Variants in DGKI observed in about 807,000 individuals in gnomAD.
DGKI encodes the protein DAG kinase iota.
In DGKI, 55 loss-of-function variants were observed where a neutral mutation model predicts 147.5. That is an observed-to-expected ratio of 0.37 (90% CI 0.30 to 0.47). DGKI has a LOEUF of 0.47. DGKI is among the 20% of genes least tolerant of loss of function. DGKI has a pLI of 1.00. For synonymous variants in DGKI, 469 were observed against 477.1 expected (o/e 0.98, Z 0.22); for missense variants, 1,007 against 1,323.8 (o/e 0.76, Z 3.71).
chr7:137,444,024 CA>C lies in DGKI; in HGVS notation c.2761+52del, dbSNP rs1353406265. 17 of 1,474,586 alleles carry C rather than the reference CA, an allele frequency of 1.2e-5. No individual in the cohort carries two copies. In the African/African-American group the frequency reaches 2.0e-4, roughly 17 times the overall value. 91.3% of individuals were successfully genotyped at this position (1,474,586 alleles called of 1,614,324 possible). ...TGCTCTGACAATGAACTGCAAAGAC[CA>C]GGGGTCAAGTTTCAATCCTGAATTG... On this transcript the variant is annotated intron_variant, in intron 28 of 32. Transcript: ENST00000614521.
At chr7:137,457,361 G>A (rs1302617685) in intron 27 of DGKI, among the ~76,000 whole-genome samples, 3 of 152,098 alleles carry the variant, frequency 2.0e-5, no homozygotes, top group Admixed American at 1.3e-4. Flanking sequence ...AATCAAAATC[G>A]CTGTCCAACA....
chr7:137,722,700 G>A, intron 1 of DGKI: 3 of 1,580,102 alleles, frequency 1.9e-6, no homozygotes, highest in East Asian at 2.2e-5. Flanking sequence ...CAGAAAAAGA[G>A]AAATATGAGA....
intron 1 of DGKI, among the ~76,000 whole-genome samples, chr7:137,811,620 C>G (rs906169658): frequency 6.6e-6 from 1 of 152,172 alleles, no homozygotes; most frequent in African/African-American, 2.4e-5. Context: ...GGTGCAGCAT[C>G]CCCTGATTGA....
chr7:137,785,343 G>A lies in DGKI; in HGVS notation c.401+61119C>T, dbSNP rs568174842. Among the ~76,000 whole-genome samples the A allele has an allele frequency of 4.0e-5, 6 of 150,972 alleles. No homozygotes were observed. In the East Asian group the frequency reaches 7.7e-4, roughly 19 times the overall value. Reference sequence around the variant, plus strand: ...ACAAGGCTACTATGAACACCTTCACGTGCATAAACCAGAAAACCTGGAGGA... The same window carrying A: ...ACAAGGCTACTATGAACACCTTCACATGCATAAACCAGAAAACCTGGAGGA... On this transcript the variant is annotated intron_variant, in intron 1 of 32. Coordinates refer to ENST00000614521, the MANE Select transcript of DGKI (RefSeq NM_001321708.2).
intron 28 of DGKI, among the ~76,000 whole-genome samples, chr7:137,423,693 A>G (rs1322618343): frequency 6.6e-6 from 1 of 152,210 alleles, no homozygotes; most frequent in Non-Finnish European, 1.5e-5. Context: ...GAACAGCCAA[A>G]CACCCCTCAC....
At chr7:137,712,388 A>G (rs970406582) in intron 1 of DGKI, among the ~76,000 whole-genome samples, 1 of 152,224 alleles carries the variant, frequency 6.6e-6, no homozygotes, top group Admixed American at 6.5e-5. Context: ...ATACATTTAG[A>G]ACATTTCATG....
At chr7:137,552,256 C>T (rs2128966488) in intron 20 of DGKI, 113 bp downstream of exon 20, 1 of 1,088,890 alleles carries the variant, frequency 9.2e-7, no homozygotes, top group Non-Finnish European at 1.3e-6. Context: ...TACTGAGTCT[C>T]CTGGACTTTT....
At chr7:137,556,164 T>A (rs1450995203) in intron 19 of DGKI, among the ~76,000 whole-genome samples, 4 of 152,020 alleles carry the variant, frequency 2.6e-5, no homozygotes, top group Non-Finnish European at 5.9e-5. Context: ...AGATGTTCAA[T>A]GCCTTTTATG....
At chr7:137,609,745 C>T in intron 8 of DGKI, 136 bp from the exon 9 acceptor site, 1 of 635,868 alleles carries the variant, frequency 1.6e-6, no homozygotes, top group Non-Finnish European at 2.8e-6. Context: ...TTCCAAGCCA[C>T]TGTTCATGGA....
At chr7:137,484,497 T>C (rs1453748347) in intron 23 of DGKI, among the ~76,000 whole-genome samples, 1 of 152,074 alleles carries the variant, frequency 6.6e-6, no homozygotes, top group Admixed American at 6.6e-5. Flanking sequence ...ATACCTTTCC[T>C]CTTAACAGGG....
At chr7:137,691,636 GCAAACTCCCTC>G (rs1563152666) in intron 1 of DGKI, among the ~76,000 whole-genome samples, 2 of 152,068 alleles carry the variant, frequency 1.3e-5, no homozygotes, top group African/African-American at 4.8e-5. Context: ...AGCGACCTCT[GCAAACTCCCTC>G]CAAAAAATAA....
At chr7:137,805,405 G>C (rs1376229683) in intron 1 of DGKI, among the ~76,000 whole-genome samples, 1 of 152,206 alleles carries the variant, frequency 6.6e-6, no homozygotes, top group Admixed American at 6.5e-5. Flanking sequence ...GGCATAACAA[G>C]GTCCTGGCCA....
At chr7:137,670,110 T>G (rs991718012) in intron 3 of DGKI, among the ~76,000 whole-genome samples, 1 of 152,208 alleles carries the variant, frequency 6.6e-6, no homozygotes, top group Non-Finnish European at 1.5e-5. Context: ...AAATTTATGG[T>G]CATGAGCTCC....
intron 21 of DGKI, among the ~76,000 whole-genome samples, chr7:137,512,051 A>T (rs544636054): frequency 6.6e-6 from 1 of 152,274 alleles, no homozygotes; most frequent in South Asian, 2.1e-4. Context: ...GGAAATCCTC[A>T]ATAAAACCCT....
intron 1 of DGKI, among the ~76,000 whole-genome samples, chr7:137,770,092 GACTGGATAAAGAAAATGTGGC>G (rs1399196796): frequency 4.6e-5 from 7 of 152,316 alleles, no homozygotes; most frequent in Admixed American, 1.3e-4. Context: ...ATCAGTGATA[GACTGGATAAAGAAAATGTGGC>G]ACATATACAC....
Position 137,609,413 on chromosome 7 carries a change from G to C in DGKI, c.1068+122C>G, listed in dbSNP as rs1000806907. ...AGAATCCTATTGTGGTTAGAGTGTAGTGAGGAGAAAGCAGTAGTAGAAGAT... is the reference window on the plus strand; with the variant it reads ...AGAATCCTATTGTGGTTAGAGTGTACTGAGGAGAAAGCAGTAGTAGAAGAT... On this transcript the variant is annotated intron_variant, in intron 9 of 32. Transcript: ENST00000614521. 3 of 718,748 alleles carry C rather than the reference G, an allele frequency of 4.2e-6. No homozygotes were observed. The African/African-American group carries it at 5.4e-5, about 13-fold the overall frequency. The allele number at this position is 718,748 out of a possible 1,614,324, so 44.5% of individuals were successfully genotyped here.
At chr7:137,711,760 C>A (rs1195311376) in intron 1 of DGKI, among the ~76,000 whole-genome samples, 3 of 131,914 alleles carry the variant, frequency 2.3e-5, no homozygotes, top group Non-Finnish European at 1.5e-5. Flanking sequence ...GTGGTGCAAT[C>A]TCGGCTCACT....
chr7:137,779,271 A>C (rs1796448861), intron 1 of DGKI, among the ~76,000 whole-genome samples: 1 of 146,030 alleles, frequency 6.8e-6, no homozygotes, highest in Non-Finnish European at 1.5e-5. Flanking sequence ...TGGAACAGCT[A>C]GATGTTCATA....
At chr7:137,799,286 T>C (rs771789067) in intron 1 of DGKI, among the ~76,000 whole-genome samples, 8 of 152,168 alleles carry the variant, frequency 5.3e-5, no homozygotes, top group Non-Finnish European at 1.2e-4. Context: ...ATTCCACTTA[T>C]TTGAAATGCC....
Sources: gnomAD v4.1 joint callset for allele counts (sites outside exome capture counted in the v4.1 genomes callset) on GRCh38, gnomAD v4.1.1 for gene constraint, MANE v1.5 for transcripts, NCBI Gene and HGNC (gene_info 2026-07-23, HGNC 2026-07-21) for gene names.